Variants in RNF144A observed in about 807,000 individuals in gnomAD.
The protein encoded by RNF144A is ring finger protein 144A.
In RNF144A, 11 loss-of-function variants were observed where a neutral mutation model predicts 38.7. That is an observed-to-expected ratio of 0.28 (90% confidence interval 0.18 to 0.47). RNF144A has a LOEUF of 0.47. Ranked by LOEUF, RNF144A falls within the 20% of genes least tolerant of loss-of-function variation. The probability of loss-of-function intolerance (pLI) is 0.99; values close to 1 mark genes in which losing one functional copy is unlikely to be tolerated. For synonymous variants in RNF144A, 149 were observed against 143.9 expected, an observed-to-expected ratio of 1.04 and a Z score of -0.25; for missense variants, 316 against 377.2, an observed-to-expected ratio of 0.84 and a Z score of 1.34.
At chr2:7,044,286 A>C, downstream of RNF144A, 4 of 768,776 alleles carry the variant, frequency 5.2e-6, no homozygotes, top group Non-Finnish European at 6.3e-6. Flanking sequence ...GATTGAAAAT[A>C]TTCAATGTGG....
chr2:7,059,717 A>C (rs1378355969), intron 6 of RNF144A, among the ~76,000 whole-genome samples: 1 of 152,158 alleles, frequency 6.6e-6, no homozygotes, highest in East Asian at 1.9e-4. Context: ...AATAAACTCT[A>C]ATGATGACAG....
chr2:7,071,278 G>C (rs1248185016), downstream of RNF144A, among the ~76,000 whole-genome samples: 1 of 152,152 alleles, frequency 6.6e-6, no homozygotes, highest in Non-Finnish European at 1.5e-5. Context: ...AACTGACACA[G>C]AGCCAGCTGC....
At chr2:6,929,432 G>A (rs1388263674) in intron 1 of RNF144A, among the ~76,000 whole-genome samples, 2 of 152,182 alleles carry the variant, frequency 1.3e-5, no homozygotes, top group Admixed American at 6.5e-5. Context: ...TACTCATTTT[G>A]AATTTCCAGC....
At chr2:6,957,574 G>A (rs1667088843) in intron 2 of RNF144A, among the ~76,000 whole-genome samples, 1 of 152,114 alleles carries the variant, frequency 6.6e-6, no homozygotes, top group Admixed American at 6.5e-5. Flanking sequence ...GGCAGGGAAT[G>A]GGTACCCCGC....
chr2:6,947,999 C>T (rs1056890367), intron 2 of RNF144A, among the ~76,000 whole-genome samples: 2 of 152,222 alleles, frequency 1.3e-5, no homozygotes, highest in African/African-American at 2.4e-5. Flanking sequence ...ACTAAAAGCA[C>T]ACAAAATGAC....
intron 6 of RNF144A, among the ~76,000 whole-genome samples, chr2:7,053,575 T>C (rs1673611671): frequency 6.6e-6 from 1 of 152,248 alleles, no homozygotes; most frequent in Non-Finnish European, 1.5e-5. Context: ...CCCTTGAGTG[T>C]TGGAGACTGC....
rs556737985 is a variant in RNF144A at position 6,954,144 on chromosome 2, A to G, written c.-12+12997A>G. ...TCTGTTTTTAAAATTTAATTTTACCATTTCTTGGCTATCAAGCTTAATCCA... is the reference window on the plus strand; with the variant it reads ...TCTGTTTTTAAAATTTAATTTTACCGTTTCTTGGCTATCAAGCTTAATCCA... On this transcript the variant is annotated intron_variant, in intron 2 of 8. Coordinates refer to ENST00000320892, the MANE Select transcript of RNF144A (RefSeq NM_014746.6). Among the ~76,000 whole-genome samples, 8 of 152,014 alleles carry G rather than the reference A, an allele frequency of 5.3e-5. No homozygotes were observed. The East Asian group carries it at 1.4e-3, about 26-fold the overall frequency.
chr2:6,980,896 T>C (rs530530727), intron 2 of RNF144A, among the ~76,000 whole-genome samples: 1 of 152,336 alleles, frequency 6.6e-6, no homozygotes, highest in East Asian at 1.9e-4. Flanking sequence ...GAAATCGAGG[T>C]GGAGGCTTCC....
intron 1 of RNF144A, among the ~76,000 whole-genome samples, chr2:6,925,344 C>T (rs541971471): frequency 5.5e-4 from 83 of 152,042 alleles, no homozygotes; most frequent in African/African-American, 1.9e-3. Context: ...CATTGGTGGC[C>T]GGCAGAGTGG....
intron 6 of RNF144A, among the ~76,000 whole-genome samples, chr2:7,062,497 T>TAAAAAAAA (rs70942688): frequency 8.8e-6 from 1 of 113,488 alleles, no homozygotes; most frequent in African/African-American, 3.4e-5. Flanking sequence ...TGCTGGGTGC[T>TAAAAAAAA]AAAAAAAAAA....
chr2:6,957,310 G>C (rs1174578667), intron 2 of RNF144A, among the ~76,000 whole-genome samples: 1 of 152,240 alleles, frequency 6.6e-6, no homozygotes, highest in Non-Finnish European at 1.5e-5. Context: ...CTGCTCCGGT[G>C]TTGAGAGTGC....
chr2:6,977,253 G>C (rs1385063675), intron 2 of RNF144A, among the ~76,000 whole-genome samples: 1 of 152,282 alleles, frequency 6.6e-6, no homozygotes, highest in Non-Finnish European at 1.5e-5. Flanking sequence ...GAGCTTAGGA[G>C]ATGTGCCAAG....
chr2:7,061,549 CG>C (rs1167759629), intron 6 of RNF144A, among the ~76,000 whole-genome samples: 1 of 152,046 alleles, frequency 6.6e-6, no homozygotes, highest in East Asian at 1.9e-4. Flanking sequence ...GCTTATTTCC[CG>C]TGTCTATCTG....
At chr2:7,059,216 G>A (rs1286071534) in intron 6 of RNF144A, among the ~76,000 whole-genome samples, 2 of 151,854 alleles carry the variant, frequency 1.3e-5, no homozygotes, top group African/African-American at 4.8e-5. Flanking sequence ...GCATGGTGGC[G>A]GGTGCCTGTA....
downstream of RNF144A, among the ~76,000 whole-genome samples, chr2:7,048,547 G>A (rs1048145383): frequency 1.3e-5 from 2 of 152,182 alleles, no homozygotes; most frequent in African/African-American, 2.4e-5. Context: ...CCAAAGCCAC[G>A]TGAAGGTCAA....
chr2:7,004,812 T>C (rs998777312), intron 3 of RNF144A, among the ~76,000 whole-genome samples: 3 of 152,156 alleles, frequency 2.0e-5, no homozygotes, highest in African/African-American at 7.2e-5. Flanking sequence ...TGTGTGGCGG[T>C]TGTGTTCCCT....
the RNF144A span, chr2:7,074,367 C>T: frequency 3.3e-5 from 5 of 152,270 alleles, no homozygotes; most frequent in African/African-American, 4.8e-5. Flanking sequence ...CCCTAGCAAG[C>T]GTACGTAAGT....
intron 1 of RNF144A, among the ~76,000 whole-genome samples, chr2:6,927,673 T>C (rs1237598904): frequency 6.6e-6 from 1 of 152,266 alleles, no homozygotes; most frequent in African/African-American, 2.4e-5. Context: ...CCAATTGAGC[T>C]GTGCTGTCAG....
At chr2:7,054,496 A>C (rs900706005) in intron 6 of RNF144A, among the ~76,000 whole-genome samples, 2 of 152,210 alleles carry the variant, frequency 1.3e-5, no homozygotes, top group Non-Finnish European at 2.9e-5. Context: ...TGCAAGTTAA[A>C]GTCTGAGAAA....
Sources: gnomAD v4.1 joint callset for allele counts (sites outside exome capture counted in the v4.1 genomes callset) on GRCh38, gnomAD v4.1.1 for gene constraint, MANE v1.5 for transcripts, NCBI Gene and HGNC (gene_info 2026-07-23, HGNC 2026-07-21) for gene names.